ADAMTSL3: variants seen among roughly 807,000 people sequenced by gnomAD.
ADAMTSL3 encodes ADAMTS like 3.
Under a neutral mutation model 201.7 loss-of-function variants are expected in ADAMTSL3, and 128 were observed. The ratio of observed to expected loss-of-function variants is 0.63; its 90% CI spans 0.55 to 0.73. ADAMTSL3 has a LOEUF of 0.73. Among genes scored for constraint, ADAMTSL3 ranks in the 30% least tolerant of loss-of-function variants. The probability of loss-of-function intolerance (pLI) is 0.00; values close to 1 mark genes in which losing one functional copy is unlikely to be tolerated. For missense variants in ADAMTSL3, 1,990 were observed against 2,119.6 expected (o/e 0.94, Z 1.20); for synonymous variants, 738 against 748.4 (o/e 0.99, Z 0.23).
intron 26 of ADAMTSL3, among the ~76,000 whole-genome samples, chr15:84,024,288 T>C (rs544532298): frequency 6.6e-6 from 1 of 152,282 alleles, no homozygotes; most frequent in Non-Finnish European, 1.5e-5. Flanking sequence ...AGATCTGATA[T>C]AGATTTACTT....
chr15:83,823,900 T>A (rs544654137), intron 6 of ADAMTSL3, among the ~76,000 whole-genome samples: 449 of 20,196 alleles, frequency 0.022, 12 homozygotes, highest in African/African-American at 0.044. Flanking sequence ...TTCCTCTTCT[T>A]CTTCTTCTTC....
At chr15:83,832,177 T>A (rs2064170191) in intron 6 of ADAMTSL3, among the ~76,000 whole-genome samples, 1 of 152,088 alleles carries the variant, frequency 6.6e-6, no homozygotes, top group Non-Finnish European at 1.5e-5. Flanking sequence ...GGCATCTTTT[T>A]TTGCCTGCAG....
intron 3 of ADAMTSL3, among the ~76,000 whole-genome samples, chr15:83,769,949 A>C (rs1474930400): frequency 6.6e-6 from 1 of 151,980 alleles, no homozygotes; most frequent in African/African-American, 2.4e-5. Flanking sequence ...ATTCTGTCTG[A>C]CTTGAACTTT....
intron 6 of ADAMTSL3, among the ~76,000 whole-genome samples, chr15:83,829,007 C>T (rs1434322771): frequency 2.0e-5 from 3 of 152,106 alleles, no homozygotes; most frequent in African/African-American, 7.2e-5. Flanking sequence ...TGTGTCTCTT[C>T]CAGGCTTTGG....
intron 26 of ADAMTSL3, among the ~76,000 whole-genome samples, chr15:84,023,934 G>C (rs1449148106): frequency 6.6e-6 from 1 of 152,224 alleles, no homozygotes; most frequent in African/African-American, 2.4e-5. Context: ...CAATTATATT[G>C]AAGTTCACTT....
intron 17 of ADAMTSL3, among the ~76,000 whole-genome samples, chr15:83,933,993 G>T (rs930277494): frequency 2.0e-5 from 3 of 152,192 alleles, no homozygotes; most frequent in African/African-American, 7.2e-5. Flanking sequence ...CTCTGCTGGG[G>T]CAATACAGAA....
At chr15:83,710,661 C>T (rs1232792934) in intron 3 of ADAMTSL3, among the ~76,000 whole-genome samples, 1 of 152,172 alleles carries the variant, frequency 6.6e-6, no homozygotes, top group Non-Finnish European at 1.5e-5. Flanking sequence ...TCTTTCCTTC[C>T]TGGGATGTCA....
chr15:83,751,630 G>A (rs1414017751), intron 3 of ADAMTSL3, among the ~76,000 whole-genome samples: 1 of 152,188 alleles, frequency 6.6e-6, no homozygotes, highest in Non-Finnish European at 1.5e-5. Flanking sequence ...ATGGTATGGA[G>A]ATGTGGTGAC....
chr15:83,672,837 C>T (rs1317065375), intron 2 of ADAMTSL3, among the ~76,000 whole-genome samples: 2 of 152,166 alleles, frequency 1.3e-5, no homozygotes, highest in African/African-American at 4.8e-5. Flanking sequence ...TTGCTGGGGG[C>T]CTGAGCAGTG....
intron 3 of ADAMTSL3, among the ~76,000 whole-genome samples, chr15:83,711,757 A>T (rs1034674700): frequency 1.3e-5 from 2 of 152,198 alleles, no homozygotes; most frequent in African/African-American, 4.8e-5. Flanking sequence ...TTTCATTATC[A>T]TTGAGCTTTT....
intron 19 of ADAMTSL3, among the ~76,000 whole-genome samples, chr15:83,967,118 C>A (rs1299645739): frequency 2.0e-5 from 3 of 152,308 alleles, no homozygotes; most frequent in South Asian, 4.1e-4. Context: ...AAAACTGGCA[C>A]AGGACAAGGA....
intron 2 of ADAMTSL3, among the ~76,000 whole-genome samples, chr15:83,702,166 G>C (rs575686537): frequency 1.3e-5 from 2 of 152,292 alleles, no homozygotes; most frequent in South Asian, 4.2e-4. Context: ...ACTTGAGAGA[G>C]AAGATTTAGG....
At chr15:83,830,259 G>A (rs1328104660) in intron 6 of ADAMTSL3, among the ~76,000 whole-genome samples, 2 of 152,138 alleles carry the variant, frequency 1.3e-5, no homozygotes, top group Non-Finnish European at 2.9e-5. Flanking sequence ...TAGATCTGGG[G>A]CTCTCACATG....
chr15:83,822,335 G>A (rs1390692782), intron 6 of ADAMTSL3, among the ~76,000 whole-genome samples: 3 of 146,906 alleles, frequency 2.0e-5, no homozygotes, highest in African/African-American at 5.1e-5. Context: ...GCTGCCGGGC[G>A]GAGGGGCTCC....
chr15:83,978,457 G>A (rs2067326562), intron 20 of ADAMTSL3, among the ~76,000 whole-genome samples: 1 of 152,238 alleles, frequency 6.6e-6, no homozygotes, highest in South Asian at 2.1e-4. Flanking sequence ...GCTGCAGTTG[G>A]TACCTGGCCA....
Position 84,038,700 on chromosome 15 carries a change from T to C in ADAMTSL3, c.*894T>C, listed in dbSNP as rs2068552373. ...AAAATTTATAAGAAAGTAATCCAAATAAGAAACACGATAGTTGAAAATAAT... is the reference window on the plus strand; with the variant it reads ...AAAATTTATAAGAAAGTAATCCAAACAAGAAACACGATAGTTGAAAATAAT... On this transcript the variant is annotated 3_prime_UTR_variant, in exon 30 of 30. Coordinates refer to ENST00000286744, the MANE Select transcript of ADAMTSL3 (RefSeq NM_207517.3). The C allele has an allele frequency of 6.6e-6, 1 of 152,576 alleles. No individual in the cohort carries two copies. Among genetic ancestry groups the C allele is most frequent in the Admixed American group, 6.5e-5 (1 of 15,278 alleles). 9.5% of individuals were successfully genotyped at this position (152,576 alleles called of 1,614,324 possible).
At chr15:83,972,687 C>T (rs963185412) in intron 20 of ADAMTSL3, among the ~76,000 whole-genome samples, 1 of 152,128 alleles carries the variant, frequency 6.6e-6, no homozygotes, top group African/African-American at 2.4e-5. Flanking sequence ...TACTCCACCC[C>T]ACTCCTGCCT....
At chr15:83,861,267 G>C (rs1294537248) in intron 8 of ADAMTSL3, among the ~76,000 whole-genome samples, 1 of 152,200 alleles carries the variant, frequency 6.6e-6, no homozygotes, top group Non-Finnish European at 1.5e-5. Context: ...AAATGTCCCT[G>C]TCTGACAGCT....
chr15:83,885,046 T>A (rs2065358957), intron 9 of ADAMTSL3, 55 bp from the exon 10 acceptor site: 1 of 1,183,636 alleles, frequency 8.4e-7, no homozygotes, highest in Admixed American at 1.9e-5. Flanking sequence ...TTGAAAGGTG[T>A]GGAAAGCACT....
Sources: allele counts gnomAD v4.1 joint callset (sites outside exome capture counted in the v4.1 genomes callset), GRCh38; gene constraint gnomAD v4.1.1; transcripts MANE v1.5; gene names NCBI Gene and HGNC (gene_info 2026-07-23, HGNC 2026-07-21).